Variants in PACRG observed in about 807,000 individuals in gnomAD.
The protein encoded by PACRG is parkin coregulated.
Under a neutral mutation model 29.7 loss-of-function variants are expected in PACRG, and 29 were observed. The observed-to-expected ratio is 0.98, with a 90% CI of 0.73 to 1.33. The LOEUF (loss-of-function observed/expected upper bound fraction) is 1.33, where lower values mean the gene tolerates loss of function less well. Ranked by LOEUF, PACRG falls within the 40% of genes most tolerant of loss-of-function variation. The pLI, the probability that PACRG is intolerant of heterozygous loss-of-function variation, is 0.00. For missense variants in PACRG, 279 were observed against 316.2 expected (o/e 0.88, Z 0.89); for synonymous variants, 116 against 118.7 (o/e 0.98, Z 0.15).
At chr6:163,249,861 C>G (rs1220674506) in intron 4 of PACRG, among the ~76,000 whole-genome samples, 1 of 152,156 alleles carries the variant, frequency 6.6e-6, no homozygotes, top group Non-Finnish European at 1.5e-5. Flanking sequence ...TTATGCCAAA[C>G]CAACATGGAT....
chr6:163,253,447 A>T (rs1782987920), intron 4 of PACRG, among the ~76,000 whole-genome samples: 1 of 152,218 alleles, frequency 6.6e-6, no homozygotes, highest in South Asian at 2.1e-4. Context: ...AGAACAAATT[A>T]AACTTTTTAA....
chr6:163,265,118 G>A (rs528221103), intron 4 of PACRG, among the ~76,000 whole-genome samples: 1 of 152,272 alleles, frequency 6.6e-6, no homozygotes, highest in Non-Finnish European at 1.5e-5. Context: ...GTGAATGAAC[G>A]CATGCATGAA....
At chr6:162,749,866 A>C (rs1260740148) in intron 1 of PACRG, among the ~76,000 whole-genome samples, 2 of 152,222 alleles carry the variant, frequency 1.3e-5, no homozygotes, top group Non-Finnish European at 2.9e-5. Context: ...GTATCACTGA[A>C]TATAGTAATA....
At chr6:163,268,595 T>C (rs1002746944) in intron 4 of PACRG, among the ~76,000 whole-genome samples, 2 of 152,198 alleles carry the variant, frequency 1.3e-5, no homozygotes, top group African/African-American at 4.8e-5. Context: ...CTGTTCATAC[T>C]TTTTCTGATG....
rs185001491 is a variant in PACRG at position 163,299,989 on chromosome 6, G to C, written c.614-14838G>C. The stretch of plus-strand genomic sequence containing the variant: ...GATAGAAGCACGTAGGGGGCACAGA[G>C]CTCCCAGTACAGATATTTCCAAGAG... On this transcript the variant is annotated intron_variant, in intron 4 of 4. Coordinates refer to ENST00000366888, the MANE Select transcript of PACRG (RefSeq NM_001080379.2). 1.1e-4 allele frequency among the ~76,000 whole-genome samples: 17 copies of C among 152,350 alleles called. No homozygotes were observed. In the East Asian group the frequency reaches 3.3e-3, roughly 29 times the overall value.
At chr6:163,196,548 CT>C (rs1382378623) in intron 4 of PACRG, among the ~76,000 whole-genome samples, 1 of 152,198 alleles carries the variant, frequency 6.6e-6, no homozygotes, top group Non-Finnish European at 1.5e-5. Flanking sequence ...ACATAACAAT[CT>C]GCTTGGCACT....
upstream of PACRG, chr6:162,727,714 G>T (rs369389244): frequency 1.3e-6 from 2 of 1,551,056 alleles, no homozygotes; most frequent in Admixed American, 1.9e-5. Flanking sequence ...AGGCCCATGC[G>T]CGCAGCGGCG....
intron 2 of PACRG, among the ~76,000 whole-genome samples, chr6:163,037,185 G>A (rs1328333124): frequency 1.3e-5 from 2 of 152,172 alleles, no homozygotes; most frequent in Non-Finnish European, 1.5e-5. Flanking sequence ...CAGAAGAGAA[G>A]GAGGCATCTG....
intron 4 of PACRG, chr6:163,313,777 A>G (rs1785535001): frequency 6.6e-6 from 1 of 152,282 alleles, no homozygotes; most frequent in East Asian, 1.9e-4. Flanking sequence ...TCCTTCCACC[A>G]TAGATAAGGC....
chr6:163,074,964 G>A (rs1249944531), intron 3 of PACRG, among the ~76,000 whole-genome samples: 4 of 151,966 alleles, frequency 2.6e-5, no homozygotes, highest in Non-Finnish European at 5.9e-5. Context: ...CTGCACTCCC[G>A]CCTGGGTCAC....
chr6:163,313,100 G>A (rs1562374402), intron 4 of PACRG, among the ~76,000 whole-genome samples: 2 of 146,128 alleles, frequency 1.4e-5, no homozygotes, highest in Non-Finnish European at 3.0e-5. Flanking sequence ...ATTCGTGTGT[G>A]TATATATATA....
chr6:163,201,693 G>A (rs1050768471), intron 4 of PACRG, among the ~76,000 whole-genome samples: 5 of 152,226 alleles, frequency 3.3e-5, no homozygotes, highest in African/African-American at 7.2e-5. Flanking sequence ...AAGAACCTGC[G>A]CTTGGTCACT....
intron 2 of PACRG, among the ~76,000 whole-genome samples, chr6:162,892,571 G>A (rs1459439600): frequency 1.3e-5 from 2 of 152,086 alleles, no homozygotes; most frequent in Admixed American, 6.6e-5. Flanking sequence ...AGCCCAGCGC[G>A]TTCTAGTCTA....
At chr6:163,150,874 G>A (rs1778055326) in intron 4 of PACRG, among the ~76,000 whole-genome samples, 1 of 152,120 alleles carries the variant, frequency 6.6e-6, no homozygotes, top group Non-Finnish European at 1.5e-5. Context: ...CATGACCTAG[G>A]GTAATGTTTT....
At chr6:162,859,804 C>T (rs1373089924) in intron 2 of PACRG, among the ~76,000 whole-genome samples, 1 of 152,138 alleles carries the variant, frequency 6.6e-6, no homozygotes, top group Non-Finnish European at 1.5e-5. Context: ...TACATTTTTC[C>T]TGGAACCTAT....
At chr6:163,314,698 A>C in intron 4 of PACRG, 129 bp from the exon 5 acceptor site, 1 of 1,058,828 alleles carries the variant, frequency 9.4e-7, no homozygotes, top group East Asian at 2.8e-5. Flanking sequence ...AAAACTCCGC[A>C]AGATCGTGTA....
chr6:162,990,267 C>G (rs1385815864), intron 2 of PACRG, among the ~76,000 whole-genome samples: 3 of 151,618 alleles, frequency 2.0e-5, no homozygotes, highest in Non-Finnish European at 3.0e-5. Flanking sequence ...AATGGGATGG[C>G]TGGGTCAAAT....
intron 4 of PACRG, among the ~76,000 whole-genome samples, chr6:163,304,319 T>C (rs570838398): frequency 6.6e-6 from 1 of 152,298 alleles, no homozygotes; most frequent in Non-Finnish European, 1.5e-5. Flanking sequence ...ACACCTACCA[T>C]ACACTTTATT....
chr6:162,903,891 C>A (rs996388246), intron 2 of PACRG, among the ~76,000 whole-genome samples: 1 of 152,158 alleles, frequency 6.6e-6, no homozygotes, highest in Non-Finnish European at 1.5e-5. Flanking sequence ...TCCAGAGAAA[C>A]AGAACCAATA....
Sources: allele counts gnomAD v4.1 joint callset (sites outside exome capture counted in the v4.1 genomes callset), GRCh38; gene constraint gnomAD v4.1.1; transcripts MANE v1.5; gene names NCBI Gene and HGNC (gene_info 2026-07-23, HGNC 2026-07-21).